The following CEP112 variants were observed in gnomAD, a reference collection of about 807,000 sequenced individuals.
CEP112 encodes centrosomal protein 112, also known as centrosomal protein of 112 kDa.
A neutral mutation model predicts 153.0 loss-of-function variants in CEP112; 127 were observed. The observed-to-expected ratio is 0.83, with a 90% confidence interval of 0.72 to 0.96. The LOEUF is 0.96. Among genes scored for constraint, CEP112 ranks in the 40% least tolerant of loss-of-function variants. The pLI is 0.00. For missense variants in CEP112, 1,089 were observed against 1,101.2 expected, an observed-to-expected ratio of 0.99 and a Z score of 0.16; for synonymous variants, 358 against 374.4, an observed-to-expected ratio of 0.96 and a Z score of 0.51.
At chr17:65,924,972 C>T (rs566750753) in intron 19 of CEP112, among the ~76,000 whole-genome samples, 3 of 152,270 alleles carry the variant, frequency 2.0e-5, no homozygotes, top group East Asian at 3.9e-4. Context: ...CCCTCCATCC[C>T]TTTCTTCCAC....
At chr17:66,082,741 C>T (rs545861458) in intron 8 of CEP112, among the ~76,000 whole-genome samples, 33 of 149,894 alleles carry the variant, frequency 2.2e-4, no homozygotes, top group Admixed American at 1.2e-3. Flanking sequence ...CCAGCCTGGG[C>T]GACAGAGCGA....
chr17:65,971,299 C>T (rs12601487), intron 17 of CEP112, among the ~76,000 whole-genome samples: 73,056 of 152,004 alleles, frequency 0.48, 18,543 homozygotes, highest in East Asian at 0.89. Context: ...CAAATATGCA[C>T]GTTACATGTG....
Position 65,951,749 on chromosome 17 carries a change from C to CCCGCCCCG in CEP112, c.1872+9713_1872+9714insCGGGGCGG, listed in dbSNP as rs71160510. Among the ~76,000 whole-genome samples, 9 of 106,240 alleles carry CCCGCCCCG rather than the reference C, an allele frequency of 8.5e-5. 1 individual carries two copies. Among genetic ancestry groups the CCCGCCCCG allele is most frequent in the Middle Eastern group, 0.01 (2 of 200 alleles). 69.7% of individuals were successfully genotyped at this position (106,240 alleles called of 152,430 possible). A position where few individuals can be genotyped will look rare whatever the true frequency, so the allele number is the denominator to read the frequency against. ...TCTGCTCTAATCTTCCCCCGCCCCC[C>CCCGCCCCG]CCTTTCTTCCACTTGCTTAGAAGCT... On this transcript the variant is annotated intron_variant, in intron 18 of 26. Coordinates refer to ENST00000535342, the MANE Select transcript of CEP112 (RefSeq NM_001199165.4).
At chr17:65,813,787 T>C (rs892211125) in intron 21 of CEP112, among the ~76,000 whole-genome samples, 13 of 152,222 alleles carry the variant, frequency 8.5e-5, no homozygotes. Flanking sequence ...TTTACACCAA[T>C]TATTTTCAGG....
chr17:65,788,997 C>A (rs1208165235), intron 21 of CEP112, among the ~76,000 whole-genome samples: 1 of 152,112 alleles, frequency 6.6e-6, no homozygotes, highest in Admixed American at 6.6e-5. Flanking sequence ...CAACCTCTCC[C>A]TTTTTAATCC....
chr17:65,837,639 G>T (rs966801402), intron 21 of CEP112, among the ~76,000 whole-genome samples: 1 of 152,284 alleles, frequency 6.6e-6, no homozygotes, highest in South Asian at 2.1e-4. Flanking sequence ...CAGTTTTGTC[G>T]AATAGAAAAG....
chr17:65,757,631 G>A (rs950823929), intron 21 of CEP112, among the ~76,000 whole-genome samples: 6 of 152,116 alleles, frequency 3.9e-5, no homozygotes, highest in African/African-American at 7.2e-5. Flanking sequence ...TAGAGAATAC[G>A]AGTAACCAAA....
intron 17 of CEP112, among the ~76,000 whole-genome samples, chr17:65,961,916 T>C (rs77515582): frequency 0.065 from 9,850 of 152,328 alleles, 463 homozygotes; most frequent in African/African-American, 0.12. Context: ...AATGGGATAT[T>C]AGTCATTCTT....
chr17:66,045,608 T>C (rs1358465160), intron 12 of CEP112, among the ~76,000 whole-genome samples: 1 of 152,162 alleles, frequency 6.6e-6, no homozygotes, highest in Non-Finnish European at 1.5e-5. Context: ...TTAAACAAAA[T>C]GAAAAATACA....
chr17:65,967,226 A>C (rs2062446419), intron 17 of CEP112, among the ~76,000 whole-genome samples: 1 of 152,220 alleles, frequency 6.6e-6, no homozygotes, highest in Non-Finnish European at 1.5e-5. Flanking sequence ...TGGTTGAAGC[A>C]TGTTAGTTAT....
chr17:65,874,162 A>G (rs1276877429), intron 20 of CEP112, among the ~76,000 whole-genome samples: 1 of 152,188 alleles, frequency 6.6e-6, no homozygotes, highest in Non-Finnish European at 1.5e-5. Flanking sequence ...ATTGAAAATG[A>G]TAAAAATGGG....
At chr17:65,780,018 C>G (rs1271279350) in intron 21 of CEP112, among the ~76,000 whole-genome samples, 1 of 151,992 alleles carries the variant, frequency 6.6e-6, no homozygotes, top group Non-Finnish European at 1.5e-5. Context: ...GAATTTGGTC[C>G]TATTTCTGAA....
intron 22 of CEP112, among the ~76,000 whole-genome samples, chr17:65,750,452 A>G (rs955693500): frequency 3.3e-5 from 5 of 152,132 alleles, no homozygotes; most frequent in African/African-American, 1.2e-4. Context: ...TGTTGTTTCA[A>G]ATGGTTAAAT....
At chr17:65,887,559 G>C (rs908186061) in intron 20 of CEP112, among the ~76,000 whole-genome samples, 1 of 152,146 alleles carries the variant, frequency 6.6e-6, no homozygotes, top group African/African-American at 2.4e-5. Flanking sequence ...ACACCTGTTT[G>C]TGTCTGACAT....
intron 12 of CEP112, among the ~76,000 whole-genome samples, chr17:66,031,933 T>C (rs955239517): frequency 6.6e-6 from 1 of 152,170 alleles, no homozygotes; most frequent in African/African-American, 2.4e-5. Context: ...CAGCCAGGAC[T>C]TGAGGACACA....
chr17:65,691,000 C>T (rs2048081496), intron 23 of CEP112, among the ~76,000 whole-genome samples: 1 of 151,912 alleles, frequency 6.6e-6, no homozygotes, highest in Non-Finnish European at 1.5e-5. Context: ...AGATGGAGAG[C>T]GGGGCCAGGT....
chr17:65,740,166 C>A (rs1316333736), intron 23 of CEP112, among the ~76,000 whole-genome samples: 1 of 152,008 alleles, frequency 6.6e-6, no homozygotes, highest in Non-Finnish European at 1.5e-5. Context: ...TTTTCAATAT[C>A]CTTATATATG....
At chr17:65,821,882 A>C (rs1451537443) in intron 21 of CEP112, among the ~76,000 whole-genome samples, 1 of 151,862 alleles carries the variant, frequency 6.6e-6, no homozygotes, top group Non-Finnish European at 1.5e-5. Context: ...AACGTTTAAA[A>C]TGTCACTAAT....
At chr17:65,870,073 GAAAGAA>G (rs1183995212) in intron 20 of CEP112, among the ~76,000 whole-genome samples, 6 of 145,238 alleles carry the variant, frequency 4.1e-5, no homozygotes, top group African/African-American at 1.6e-4. Context: ...AAGAAAGAAA[GAAAGAA>G]AGAAAAGAAA....
Sources: allele counts gnomAD v4.1 joint callset (sites outside exome capture counted in the v4.1 genomes callset), GRCh38; gene constraint gnomAD v4.1.1; transcripts MANE v1.5; gene names NCBI Gene and HGNC (gene_info 2026-07-23, HGNC 2026-07-21).